The following CLCN6 variants were observed in gnomAD, a reference collection of about 807,000 sequenced individuals.
CLCN6 encodes the protein Cl-/H+ antiporter 6.
CLCN6 carries 70 observed loss-of-function variants against 109.8 expected under a neutral mutation model. The observed-to-expected ratio is 0.64, with a 90% CI of 0.53 to 0.78. The LOEUF is 0.78. Ranked by LOEUF, CLCN6 falls within the 30% of genes least tolerant of loss-of-function variation. The probability of loss-of-function intolerance (pLI) is 0.00; values close to 1 mark genes in which losing one functional copy is unlikely to be tolerated. For synonymous variants in CLCN6, 444 were observed against 447.8 expected, an observed-to-expected ratio of 0.99 and a Z score of 0.11; for missense variants, 984 against 1,142.3, an observed-to-expected ratio of 0.86 and a Z score of 2.00.
intron 10 of CLCN6, among the ~76,000 whole-genome samples, chr1:11,827,430 C>CTTTTTTTTTTTTTTTTTTTTTTTTT (rs59015951): frequency 2.1e-4 from 22 of 105,022 alleles, no homozygotes; most frequent in Non-Finnish European, 3.6e-4. Flanking sequence ...ACCGCTGTTA[C>CTTTTTTTTTTTTTTTTTTTTTTTTT]TTTTTTTTTT....
chr1:11,833,951 T>G lies in CLCN6; in HGVS notation c.1447T>G (p.Ser483Ala). The part of the protein sequence containing the change: ...FLLACWTYGI[S>A]VPSGLFVPSL... The stretch of plus-strand genomic sequence containing the variant: ...GCTTGCATGTTGGACTTACGGCATT[T>G]CTGTTCCAAGTGGCCTTTTTGTGCC... Residue 483 changes from serine to alanine, a missense_variant, in exon 15 of 23, where the codon TCT (serine) becomes GCT (alanine). Transcript: ENST00000346436. 6.2e-7 allele frequency: 1 copy of G among 1,614,068 alleles called. No homozygotes were observed. Among genetic ancestry groups the G allele is most frequent in the South Asian group, 1.1e-5 (1 of 91,056 alleles).
intron 5 of CLCN6, among the ~76,000 whole-genome samples, chr1:11,822,445 A>G (rs144560150): frequency 4.5e-4 from 68 of 152,238 alleles, no homozygotes; most frequent in African/African-American, 1.6e-3. Context: ...GTCTCACTAC[A>G]TTGCCCAGGC....
At position 11,822,789 on chromosome 1, in the gene CLCN6, T is replaced by C. The variant is rs1474671867; in HGVS notation, c.441T>C (p.Leu147=). ...CCTTTGTCTTCCTGGCAAGCCTCCT[T>C]GTTCTCATTGAGGTGAGGTGGTTTG... ...NLTFVFLASL[L]VLIEPVAAGS... The change falls in exon 6 of 23, where the codon CTT becomes CTC. Residue 147 remains leucine (L), a synonymous_variant. Coordinates refer to ENST00000346436, the MANE Select transcript of CLCN6 (RefSeq NM_001286.5). 6.2e-7 allele frequency: 1 copy of C among 1,612,714 alleles called. No individual in the cohort carries two copies. Among genetic ancestry groups the C allele is most frequent in the Non-Finnish European group, 8.5e-7 (1 of 1,178,724 alleles).
At chr1:11,823,304 A>G (rs1044586432) in intron 6 of CLCN6, among the ~76,000 whole-genome samples, 4 of 130,154 alleles carry the variant, frequency 3.1e-5, no homozygotes, top group African/African-American at 9.9e-5. Flanking sequence ...TAAAAATACA[A>G]AATTAGCCGG....
chr1:11,833,475 C>T, intron 13 of CLCN6, 40 bp from the exon 14 acceptor site: 1 of 1,608,004 alleles, frequency 6.2e-7, no homozygotes, highest in Non-Finnish European at 8.5e-7. Context: ...GACTCAAAGT[C>T]AGGTGTCCTT....
At chr1:11,820,087 C>T (rs893782082) in intron 5 of CLCN6, among the ~76,000 whole-genome samples, 25 of 152,352 alleles carry the variant, frequency 1.6e-4, no homozygotes, top group Admixed American at 3.3e-4. Context: ...CTGGTCCTCA[C>T]ATACATGGAA....
At chr1:11,816,732 A>T in intron 4 of CLCN6, 52 bp downstream of exon 4, 3 of 1,399,536 alleles carry the variant, frequency 2.1e-6, no homozygotes, top group Non-Finnish European at 3.0e-6. Flanking sequence ...GGAGGGGCTT[A>T]CAGGGAAAGC....
intron 6 of CLCN6, 80 bp from the exon 7 acceptor site, chr1:11,823,627 T>C: frequency 1.2e-5 from 19 of 1,593,548 alleles, no homozygotes; most frequent in Non-Finnish European, 1.6e-5. Flanking sequence ...GCTCTCCCTC[T>C]TCCGCCGCCC....
chr1:11,838,305 G>T (rs904179841), intron 20 of CLCN6, 30 bp from the exon 21 acceptor site: 18 of 1,603,796 alleles, frequency 1.1e-5, no homozygotes, highest in Non-Finnish European at 1.4e-5. Flanking sequence ...TGCTGCCTGA[G>T]CACGGACAGT....
At chr1:11,833,705 C>T in intron 14 of CLCN6, 67 bp downstream of exon 14, 1 of 1,602,642 alleles carries the variant, frequency 6.2e-7, no homozygotes, top group Non-Finnish European at 8.5e-7. Flanking sequence ...CAGGCTTGCC[C>T]TTCATTCCAA....
At position 11,828,642 on chromosome 1, in the gene CLCN6, TC is replaced by T. The variant is rs369856171; in HGVS notation, c.1121+25del. ...CTCGTCAGGTATCTGCACAGTCGCC[TC>T]CCCCCCGAGCCTGCTGCGGCTCCCT... On this transcript the variant is annotated intron_variant, in intron 12 of 22. Coordinates refer to ENST00000346436, the MANE Select transcript of CLCN6 (RefSeq NM_001286.5). 1.1e-4 allele frequency: 178 copies of T among 1,575,994 alleles called. 2 individuals are homozygous for T. In the African/African-American group the frequency reaches 1.1e-3, roughly 10 times the overall value.
intron 2 of CLCN6, among the ~76,000 whole-genome samples, chr1:11,809,272 T>TGG (rs1644565731): frequency 6.6e-6 from 1 of 152,204 alleles, no homozygotes; most frequent in South Asian, 2.1e-4. Context: ...CACTGAACCC[T>TGG]GTTACATCAT....
intron 2 of CLCN6, among the ~76,000 whole-genome samples, chr1:11,811,097 C>G (rs1443992811): frequency 6.6e-6 from 1 of 151,876 alleles, no homozygotes; most frequent in East Asian, 1.9e-4. Flanking sequence ...TGTGGTCCCC[C>G]CTACTCAGGA....
rs1274591340 is a variant in CLCN6 at position 11,843,024 on chromosome 1, A to C, written c.*2801A>C. 6.6e-6 allele frequency: 1 copy of C among 152,186 alleles called. No homozygotes were observed. Among genetic ancestry groups the C allele is most frequent in the Non-Finnish European group, 1.5e-5 (1 of 68,044 alleles). 9.4% of individuals were successfully genotyped at this position (152,186 alleles called of 1,614,324 possible). A position where few individuals can be genotyped will look rare whatever the true frequency, so the allele number is the denominator to read the frequency against. Reference sequence around the variant, plus strand: ...TGTTAGCTAATTCCACTGTGTATATAAATTGTATTTTTTTTAATTTGTAAA... The same window carrying C: ...TGTTAGCTAATTCCACTGTGTATATCAATTGTATTTTTTTTAATTTGTAAA... On this transcript the variant is annotated 3_prime_UTR_variant, in exon 23 of 23. Coordinates refer to ENST00000346436, the MANE Select transcript of CLCN6 (RefSeq NM_001286.5).
intron 2 of CLCN6, among the ~76,000 whole-genome samples, chr1:11,809,454 T>C (rs1029192472): frequency 6.6e-6 from 1 of 152,148 alleles, no homozygotes; most frequent in African/African-American, 2.4e-5. Context: ...AAATTTTTGT[T>C]GTTCTTGTCA....
intron 22 of CLCN6, among the ~76,000 whole-genome samples, chr1:11,839,621 T>G (rs1180584468): frequency 8.5e-5 from 13 of 152,232 alleles, no homozygotes; most frequent in Admixed American, 7.9e-4. Context: ...TACACAGGTT[T>G]TGTTGCAGTA....
rs1644775179 is a variant in CLCN6 at position 11,823,704 on chromosome 1, C to T, written c.454-3C>T. On this transcript the variant is annotated splice_region_variant and splice_polypyrimidine_tract_variant and intron_variant, in intron 6 of 22. Transcript: ENST00000346436. ...TATGGGTGTGCCTGCTCTCCTCCAT[C>T]AGCCGGTGGCAGCAGGTTCCGGGAT... The T allele has an allele frequency of 4.3e-6, 7 of 1,614,158 alleles. No homozygotes were observed. Among genetic ancestry groups the T allele is most frequent in the East Asian group, 2.2e-5 (1 of 44,880 alleles).
intron 13 of CLCN6, chr1:11,830,371 G>A (rs1644864065): frequency 6.6e-6 from 1 of 151,828 alleles, no homozygotes. Flanking sequence ...TATTCAGGAT[G>A]CAAAACATAA....
chr1:11,842,504 C>T lies in CLCN6; in HGVS notation c.*2281C>T, dbSNP rs1355034553. ...AAATCAACTGTGACCCTCGCTCCTT[C>T]CATTTCTGTCCATTAGAAACCAGCC... On this transcript the variant is annotated 3_prime_UTR_variant, in exon 23 of 23. Coordinates refer to ENST00000346436, the MANE Select transcript of CLCN6 (RefSeq NM_001286.5). The T allele has an allele frequency of 1.3e-5, 2 of 152,736 alleles. No individual in the cohort carries two copies. The highest frequency in any genetic ancestry group is 2.9e-5 in the Non-Finnish European group (2 of 68,108). The allele number at this position is 152,736 out of a possible 1,614,324, so 9.5% of individuals were successfully genotyped here.
Sources: allele counts gnomAD v4.1 joint callset (sites outside exome capture counted in the v4.1 genomes callset), GRCh38; gene constraint gnomAD v4.1.1; transcripts MANE v1.5; gene names NCBI Gene and HGNC (gene_info 2026-07-23, HGNC 2026-07-21).